The following ZFAND3 variants were observed in gnomAD, a reference collection of about 807,000 sequenced individuals.
ZFAND3 encodes the protein zinc finger AN1-type containing 3.
Under a neutral mutation model 29.6 loss-of-function variants are expected in ZFAND3, and 10 were observed. The ratio of observed to expected loss-of-function variants is 0.34; its 90% confidence interval spans 0.21 to 0.57. ZFAND3 has a LOEUF of 0.57. ZFAND3 is among the 20% of genes least tolerant of loss of function. ZFAND3 has a pLI of 0.86. For synonymous variants in ZFAND3, 128 were observed against 112.6 expected (o/e 1.14, Z -0.87); for missense variants, 230 against 304.5 (o/e 0.76, Z 1.82).
intron 1 of ZFAND3, among the ~76,000 whole-genome samples, chr6:37,913,331 A>G (rs1561931814): frequency 6.6e-6 from 1 of 152,248 alleles, no homozygotes; most frequent in Non-Finnish European, 1.5e-5. Flanking sequence ...GTAATATTCT[A>G]AATCCTTTGT....
chr6:38,041,631 T>TTCTTCTTCTTCTTCTTCTTCTTCTTC (rs1561976605), intron 2 of ZFAND3, among the ~76,000 whole-genome samples: 2 of 56,248 alleles, frequency 3.6e-5, no homozygotes, highest in African/African-American at 1.1e-4. Flanking sequence ...TTATCTACTT[T>TTCTTCTTCTTCTTCTTCTTCTTCTTC]TTCTTCTTCT....
In ZFAND3 at chr6:37,857,761, A is replaced by G. The variant is rs556544449; in HGVS notation, c.71+37745A>G. 2.6e-5 allele frequency among the ~76,000 whole-genome samples: 4 copies of G among 152,368 alleles called. No homozygotes were observed. The South Asian group carries it at 6.2e-4, about 24-fold the overall frequency. On this transcript the variant is annotated intron_variant, in intron 1 of 5. Transcript: ENST00000287218. Reference sequence around the variant, plus strand: ...CTCAACTTTACCAGTCCCTGCCTCCATAAGAGTATAATAGTTTATGTGATG... The same window carrying G: ...CTCAACTTTACCAGTCCCTGCCTCCGTAAGAGTATAATAGTTTATGTGATG...
At chr6:38,039,247 A>T (rs1763715443) in intron 2 of ZFAND3, among the ~76,000 whole-genome samples, 1 of 152,188 alleles carries the variant, frequency 6.6e-6, no homozygotes, top group Non-Finnish European at 1.5e-5. Flanking sequence ...AAGGACCGTA[A>T]GTATTATTTG....
At chr6:37,823,233 TA>T (rs1424832907) in intron 1 of ZFAND3, among the ~76,000 whole-genome samples, 1 of 152,180 alleles carries the variant, frequency 6.6e-6, no homozygotes, top group Non-Finnish European at 1.5e-5. Context: ...GCGAAGTACA[TA>T]GAAGTGAAAG....
At chr6:38,004,037 T>C (rs1762998752) in intron 2 of ZFAND3, among the ~76,000 whole-genome samples, 1 of 152,210 alleles carries the variant, frequency 6.6e-6, no homozygotes, top group Non-Finnish European at 1.5e-5. Context: ...AACTGAAGGA[T>C]GGCCAAATCC....
intron 1 of ZFAND3, among the ~76,000 whole-genome samples, chr6:37,852,796 A>G (rs1324465962): frequency 1.3e-5 from 2 of 150,780 alleles, no homozygotes; most frequent in Admixed American, 6.6e-5. Context: ...GCTCACTGCA[A>G]TCTCCACCTC....
intron 1 of ZFAND3, among the ~76,000 whole-genome samples, chr6:37,836,583 G>T (rs1412459824): frequency 6.6e-6 from 1 of 152,192 alleles, no homozygotes; most frequent in Non-Finnish European, 1.5e-5. Context: ...TTAAAGTCAT[G>T]TTAGTGCCTC....
intron 4 of ZFAND3, among the ~76,000 whole-genome samples, chr6:38,089,415 A>G (rs1008327961): frequency 1.2e-4 from 18 of 152,102 alleles, no homozygotes; most frequent in Admixed American, 7.9e-4. Flanking sequence ...GGCATGAGCC[A>G]CCACACCCAG....
chr6:37,889,675 G>T (rs1011561020), intron 1 of ZFAND3, among the ~76,000 whole-genome samples: 22 of 152,144 alleles, frequency 1.4e-4, no homozygotes, highest in Admixed American at 1.2e-3. Context: ...GACTCCTCTT[G>T]GTGAGTCCTG....
chr6:38,014,942 T>C (rs1763228403), intron 2 of ZFAND3, among the ~76,000 whole-genome samples: 1 of 152,252 alleles, frequency 6.6e-6, no homozygotes, highest in Non-Finnish European at 1.5e-5. Flanking sequence ...TCTGCAAATT[T>C]AGAAAATAAT....
chr6:38,126,557 A>C (rs1389934272), intron 5 of ZFAND3, among the ~76,000 whole-genome samples: 1 of 152,194 alleles, frequency 6.6e-6, no homozygotes, highest in African/African-American at 2.4e-5. Flanking sequence ...GCCAACATTT[A>C]ATATTGTCAG....
rs1191735020 is a variant in ZFAND3 at position 37,858,024 on chromosome 6, G to T, written c.71+38008G>T. 2.6e-5 allele frequency among the ~76,000 whole-genome samples: 4 copies of T among 152,124 alleles called. No individual in the cohort carries two copies. In the East Asian group the frequency reaches 7.7e-4, roughly 29 times the overall value. On this transcript the variant is annotated intron_variant, in intron 1 of 5. Transcript: ENST00000287218. ...TAGACTAGGAGTTAGAGTACTCTTG[G>T]TGGAGAGAGCTTAGAATCACTTGGA...
At chr6:38,142,301 C>A (rs1199163402) in intron 5 of ZFAND3, 1 of 471,406 alleles carries the variant, frequency 2.1e-6, no homozygotes, top group Non-Finnish European at 4.4e-6. Context: ...TAGTCTGATG[C>A]CCCCTGACCA....
intron 4 of ZFAND3, among the ~76,000 whole-genome samples, chr6:38,089,121 C>CTT (rs141133204): frequency 6.6e-5 from 10 of 152,000 alleles, no homozygotes; most frequent in Non-Finnish European, 4.4e-5. Flanking sequence ...TGACTCACTT[C>CTT]TTTTTTTATT....
intron 2 of ZFAND3, among the ~76,000 whole-genome samples, chr6:37,973,119 GGTAAAACT>G (rs1307829833): frequency 1.3e-5 from 2 of 151,780 alleles, no homozygotes; most frequent in African/African-American, 2.4e-5. Flanking sequence ...TTGCTGATTT[GGTAAAACT>G]GTCATGATTT....
intron 1 of ZFAND3, among the ~76,000 whole-genome samples, chr6:37,919,205 C>T (rs901114592): frequency 6.6e-6 from 1 of 152,062 alleles, no homozygotes; most frequent in South Asian, 2.1e-4. Flanking sequence ...GCCTTGGCCT[C>T]CCAAAGTGCT....
intron 1 of ZFAND3, among the ~76,000 whole-genome samples, chr6:37,849,602 G>A (rs1324437911): frequency 6.6e-6 from 1 of 151,984 alleles, no homozygotes; most frequent in Non-Finnish European, 1.5e-5. Flanking sequence ...TAGAGACGGG[G>A]TTTCACCATA....
Position 38,120,320 on chromosome 6 carries a change from C to CTTTTTTTTTTTTTTTTTT in ZFAND3, c.529+3594_529+3611dup, listed in dbSNP as rs70981523. Among the ~76,000 whole-genome samples, 52 of 60,730 alleles carry CTTTTTTTTTTTTTTTTTT rather than the reference C, an allele frequency of 8.6e-4. 9 individuals are homozygous for CTTTTTTTTTTTTTTTTTT. The highest frequency in any genetic ancestry group is 9.6e-4 in the Admixed American group (4 of 4,152). 39.8% of individuals were successfully genotyped at this position (60,730 alleles called of 152,430 possible). On this transcript the variant is annotated intron_variant, in intron 5 of 5. Transcript: ENST00000287218. ...TGATTGATACACGTAGCTTGGCTTC[C>CTTTTTTTTTTTTTTTTTT]TTTTTTTTTTTTTTTTTTTTTTTTT...
intron 1 of ZFAND3, among the ~76,000 whole-genome samples, chr6:37,862,199 CAT>C (rs904430718): frequency 4.7e-5 from 7 of 150,318 alleles, no homozygotes; most frequent in African/African-American, 7.3e-5. Flanking sequence ...GTTTTTTAAC[CAT>C]ATGTTTACTT....
Sources: gnomAD v4.1 joint callset for allele counts (sites outside exome capture counted in the v4.1 genomes callset) on GRCh38, gnomAD v4.1.1 for gene constraint, MANE v1.5 for transcripts, NCBI Gene and HGNC (gene_info 2026-07-23, HGNC 2026-07-21) for gene names.